The following PBX4 variants were observed in gnomAD, a reference collection of about 807,000 sequenced individuals.
The protein encoded by PBX4 is PBX homeobox 4.
PBX4 carries 26 observed loss-of-function variants against 35.1 expected under a neutral mutation model. The ratio of observed to expected loss-of-function variants is 0.74; its 90% CI spans 0.54 to 1.03. The LOEUF is 1.03. PBX4 is among the 50% of genes least tolerant of loss of function. The pLI, the probability that PBX4 is intolerant of heterozygous loss-of-function variation, is 0.00. For missense variants in PBX4, 448 were observed against 504.3 expected (o/e 0.89, Z 1.07); for synonymous variants, 199 against 204.2 (o/e 0.97, Z 0.22).
At chr19:19,588,526 C>T (rs550748405) in intron 2 of PBX4, 1 of 508,858 alleles carries the variant, frequency 2.0e-6, no homozygotes, top group Admixed American at 2.4e-5. Context: ...ATCTACCCGC[C>T]TCACCCTCCG....
In PBX4 at chr19:19,561,814, CT is replaced by C. The variant is rs2061307718; in HGVS notation, c.*210del. Reference sequence around the variant, plus strand: ...ATAAAATTACTGTCAAAAAAACGAACTGAAGTGGGAGAATGAGTGGCGTTTC... The same window carrying C: ...ATAAAATTACTGTCAAAAAAACGAACGAAGTGGGAGAATGAGTGGCGTTTC... On this transcript the variant is annotated 3_prime_UTR_variant, in exon 8 of 8. Coordinates refer to ENST00000251203, the MANE Select transcript of PBX4 (RefSeq NM_025245.3). The C allele has an allele frequency of 2.2e-6, 1 of 459,580 alleles. No individual in the cohort carries two copies. The highest frequency in any genetic ancestry group is 4.1e-5 in the South Asian group (1 of 24,270). 28.5% of individuals were successfully genotyped at this position (459,580 alleles called of 1,614,324 possible).
In PBX4 at chr19:19,569,384, T is replaced by A; in HGVS notation, c.768+65A>T. 6 of 1,541,326 alleles carry A rather than the reference T, an allele frequency of 3.9e-6. No individual in the cohort carries two copies. The South Asian group carries it at 6.3e-5, about 16-fold the overall frequency. ...CACATTTAACAAACTTCCCTGGGTG[T>A]CCTCATGGGACCTAGTCATCCACTC... On this transcript the variant is annotated intron_variant, in intron 5 of 7. Coordinates refer to ENST00000251203, the MANE Select transcript of PBX4 (RefSeq NM_025245.3).
chr19:19,574,977 G>A (rs981918107), intron 2 of PBX4, among the ~76,000 whole-genome samples: 2 of 151,868 alleles, frequency 1.3e-5, no homozygotes, highest in Non-Finnish European at 2.9e-5. Context: ...GAGCCACCAC[G>A]CCCAGCCTGG....
intron 2 of PBX4, among the ~76,000 whole-genome samples, chr19:19,593,527 C>T (rs2061541573): frequency 1.3e-5 from 2 of 152,086 alleles, no homozygotes. Context: ...CTGAGGTGTT[C>T]CTGACATCAA....
chr19:19,580,181 A>C (rs1044220125), intron 2 of PBX4, among the ~76,000 whole-genome samples: 3 of 152,202 alleles, frequency 2.0e-5, no homozygotes, highest in Non-Finnish European at 4.4e-5. Context: ...GGGCCCACCC[A>C]CCGTGTCTGG....
intron 5 of PBX4, among the ~76,000 whole-genome samples, chr19:19,566,421 G>A (rs1472948615): frequency 1.3e-5 from 2 of 152,242 alleles, no homozygotes; most frequent in South Asian, 2.1e-4. Flanking sequence ...GCATGGAGAC[G>A]TCCATCCAGG....
At chr19:19,569,060 A>G (rs2061363417) in intron 5 of PBX4, among the ~76,000 whole-genome samples, 1 of 151,856 alleles carries the variant, frequency 6.6e-6, no homozygotes. Context: ...CCTGTTCCAC[A>G]CTTTTTTTGT....
rs531106688 is a variant in PBX4 at position 19,603,423 on chromosome 19, T to C, written c.120-4058A>G. Among the ~76,000 whole-genome samples the C allele has an allele frequency of 2.6e-4, 39 of 152,232 alleles. 1 individual carries two copies. Among genetic ancestry groups the C allele is most frequent in the Non-Finnish European group, 1.5e-5 (1 of 68,016 alleles). ...ACCTCATGGGTTCAGGTGATTCTCC[T>C]GCGGCCTCCAGAGTAGCTGGCATTA... On this transcript the variant is annotated intron_variant, in intron 1 of 7. Transcript: ENST00000251203.
At chr19:19,572,548 C>G (rs12982628) in intron 2 of PBX4, among the ~76,000 whole-genome samples, 28,351 of 150,546 alleles carry the variant, frequency 0.19, 3,297 homozygotes, top group East Asian at 0.29. Context: ...CAAGCGATAT[C>G]CTTGTAAGAA....
chr19:19,614,405 G>A (rs1276393686), intron 1 of PBX4, among the ~76,000 whole-genome samples: 2 of 151,912 alleles, frequency 1.3e-5, no homozygotes, highest in East Asian at 1.9e-4. Flanking sequence ...AGGCCAAGGC[G>A]GGTAGATCAT....
chr19:19,591,985 C>T (rs995011145), intron 2 of PBX4, among the ~76,000 whole-genome samples: 5 of 152,200 alleles, frequency 3.3e-5, no homozygotes, highest in South Asian at 2.1e-4. Context: ...CTCAGCCTCC[C>T]GTGTAGCTAG....
rs546504461 is a variant in PBX4, at chr19:19,562,461, C to A, written c.1033-344G>T. Among the ~76,000 whole-genome samples the A allele has an allele frequency of 6.6e-6, 1 of 152,066 alleles. No individual in the cohort carries two copies. The highest frequency in any genetic ancestry group is 2.4e-5 in the African/African-American group (1 of 41,388). On this transcript the variant is annotated intron_variant, in intron 7 of 7. Transcript: ENST00000251203. The surrounding 1 kb of genome is among the most constrained non-coding windows in gnomAD (Gnocchi z 4.8). ...AGGTCAGGCCTGGAGCCCATGATGA[C>A]GCCCGGAGCGTCATGGTGAGACTCG...
At chr19:19,614,044 A>C (rs1599385297) in intron 1 of PBX4, among the ~76,000 whole-genome samples, 1 of 152,288 alleles carries the variant, frequency 6.6e-6, no homozygotes, top group Middle Eastern at 3.4e-3. Flanking sequence ...TGCTCCAAAA[A>C]GAATAAAAAC....
At chr19:19,592,073 G>A (rs946664504) in intron 2 of PBX4, among the ~76,000 whole-genome samples, 4 of 151,862 alleles carry the variant, frequency 2.6e-5, no homozygotes, top group Admixed American at 6.6e-5. Flanking sequence ...AGGTGGGGGG[G>A]TGGTTCACCA....
intron 2 of PBX4, among the ~76,000 whole-genome samples, chr19:19,594,106 A>AAAAAAAAAAAT (rs376246400): frequency 1.4e-5 from 2 of 145,222 alleles, no homozygotes; most frequent in African/African-American, 5.1e-5. Context: ...AAAATAAAAA[A>AAAAAAAAAAAT]TAAAAAATTA....
intron 6 of PBX4, 148 bp downstream of exon 6, chr19:19,564,785 G>T: frequency 9.9e-7 from 1 of 1,006,068 alleles, no homozygotes; most frequent in East Asian, 2.4e-5. Flanking sequence ...AAGAGGAACA[G>T]AACTCTCACA....
chr19:19,618,055 G>C (rs1047950564), intron 1 of PBX4, among the ~76,000 whole-genome samples: 2 of 152,124 alleles, frequency 1.3e-5, no homozygotes, highest in African/African-American at 4.8e-5. Context: ...CAGCTACTCG[G>C]GAGGCTGAGG....
intron 2 of PBX4, among the ~76,000 whole-genome samples, chr19:19,577,385 G>A (rs953668851): frequency 3.3e-5 from 5 of 152,088 alleles, no homozygotes; most frequent in Non-Finnish European, 5.9e-5. Context: ...CAGGGGTACT[G>A]ACACCTACAA....
chr19:19,584,459 C>T (rs2061475975), intron 2 of PBX4, among the ~76,000 whole-genome samples: 1 of 152,040 alleles, frequency 6.6e-6, no homozygotes, highest in African/African-American at 2.4e-5. Context: ...GACAGACCAG[C>T]AGGCAGCAAG....
Sources: gnomAD v4.1 joint callset for allele counts (sites outside exome capture counted in the v4.1 genomes callset) on GRCh38, gnomAD v4.1.1 for gene constraint, Gnocchi (gnomAD v3.1) non-coding constraint, MANE v1.5 for transcripts, NCBI Gene and HGNC (gene_info 2026-07-23, HGNC 2026-07-21) for gene names.